ANKRD13D: variants seen among roughly 807,000 people sequenced by gnomAD.
The protein encoded by ANKRD13D is ankyrin repeat domain-containing protein 13D.
ANKRD13D carries 24 observed loss-of-function variants against 68.8 expected under a neutral mutation model. The ratio of observed to expected loss-of-function variants is 0.35; its 90% CI spans 0.25 to 0.49. ANKRD13D has a LOEUF of 0.49. ANKRD13D is among the 20% of genes least tolerant of loss of function. The pLI is 0.99. For missense variants in ANKRD13D, 735 were observed against 832.1 expected (o/e 0.88, Z 1.44); for synonymous variants, 331 against 336.1 (o/e 0.98, Z 0.16).
In ANKRD13D at chr11:67,302,386, ATT is replaced by A; in HGVS notation, c.*56_*57del. 6.9e-7 allele frequency: 1 copy of A among 1,444,884 alleles called. No individual in the cohort carries two copies. The highest frequency in any genetic ancestry group is 9.1e-7 in the Non-Finnish European group (1 of 1,093,802). 89.5% of individuals were successfully genotyped at this position (1,444,884 alleles called of 1,614,324 possible). A position where few individuals can be genotyped will look rare whatever the true frequency, so the allele number is the denominator to read the frequency against. ...CACTCCCTGCCCGCTTTTGTAATTT[ATT>A]TATTTATAAACTCTCTGCTGCTGAG... On this transcript the variant is annotated 3_prime_UTR_variant, in exon 15 of 15. Transcript: ENST00000511455.
At position 67,292,184 on chromosome 11, in the gene ANKRD13D, G is replaced by A. The variant is rs1481908465; in HGVS notation, c.731+4G>A. On this transcript the variant is annotated splice_donor_region_variant and intron_variant, in intron 6 of 14. Coordinates refer to ENST00000511455, the MANE Select transcript of ANKRD13D (RefSeq NM_207354.3). ...CTCGTAATGTGGCCTTTGAGAGGTCGGTCGGGTCCTGGCACACCGTGGGTG... is the reference window on the plus strand; with the variant it reads ...CTCGTAATGTGGCCTTTGAGAGGTCAGTCGGGTCCTGGCACACCGTGGGTG... 7 of 1,580,532 alleles carry A rather than the reference G, an allele frequency of 4.4e-6. No homozygotes were observed. Among genetic ancestry groups the A allele is most frequent in the African/African-American group, 1.3e-5 (1 of 74,248 alleles).
In ANKRD13D at chr11:67,302,186, C is replaced by T. The variant is rs776760173; in HGVS notation, c.1672C>T (p.Pro558Ser). ...RGPGSPPRTP[P>S]APGPPSFEEQ... ...CCCAGGATCCCCTCCCAGGACACCC[C>T]CAGCCCCCGGTCCACCCAGCTTTGA... The change falls in exon 15 of 15, where the codon CCA becomes TCA. Residue 558 changes from proline (P) to serine (S), a missense_variant. By Grantham distance (74) the Pro-to-Ser change is moderately conservative. Transcript: ENST00000511455. The T allele has an allele frequency of 6.3e-7, 1 of 1,594,468 alleles. No homozygotes were observed.
At chr11:67,294,275 A>C (rs1268930639) in intron 6 of ANKRD13D, among the ~76,000 whole-genome samples, 2 of 152,214 alleles carry the variant, frequency 1.3e-5, no homozygotes, top group African/African-American at 2.4e-5. Flanking sequence ...TGTAGGCAGA[A>C]TATATGAATT....
chr11:67,300,026 C>G lies in ANKRD13D; in HGVS notation c.976C>G (p.Pro326Ala). 1 of 1,613,798 alleles carries G rather than the reference C, an allele frequency of 6.2e-7. No homozygotes were observed. Among genetic ancestry groups the G allele is most frequent in the Non-Finnish European group, 8.5e-7 (1 of 1,179,828 alleles). Residue 326 changes from proline (P) to alanine (A), a missense_variant, in exon 10 of 15, where the codon CCC becomes GCC. Physicochemically the swap from Pro to Ala is conservative, Grantham distance 27. Coordinates refer to ENST00000511455, the MANE Select transcript of ANKRD13D (RefSeq NM_207354.3). The surrounding 1 kb of genome is among the most constrained non-coding windows in gnomAD (Gnocchi z 4.3). ...GCAGCAGGCAGCCAGCCCCACCAAC[C>G]CCACAGCCATCTCCCCTGAGGAGTA... ...PVQQAASPTN[P>A]TAISPEEYFD...
chr11:67,292,965 A>G (rs1380630143), intron 6 of ANKRD13D, among the ~76,000 whole-genome samples: 2 of 152,232 alleles, frequency 1.3e-5, no homozygotes, highest in Non-Finnish European at 2.9e-5. Context: ...TTCAAGGTTC[A>G]TCCAAGTTGT....
rs1198518692 is a variant in ANKRD13D at position 67,300,740 on chromosome 11, C to T, written c.1074-250C>T. On this transcript the variant is annotated intron_variant, in intron 10 of 14. Transcript: ENST00000511455. This position sits in a 1 kb window ranked among gnomAD's most constrained non-coding sequence, Gnocchi z 4.3. ...AGCCCACAGCCTGGCACCTGGCCTC[C>T]TTGTCCAGACCAGATGAGCTGGTAC... The T allele has an allele frequency of 1.8e-5, 10 of 570,706 alleles. No homozygotes were observed. Among genetic ancestry groups the T allele is most frequent in the Non-Finnish European group, 9.2e-6 (3 of 324,374 alleles). The allele number at this position is 570,706 out of a possible 1,614,324, so 35.4% of individuals were successfully genotyped here. A position where few individuals can be genotyped will look rare whatever the true frequency, so the allele number is the denominator to read the frequency against.
At chr11:67,290,488 G>A (rs1448478937) in intron 3 of ANKRD13D, 42 bp downstream of exon 3, 2 of 1,529,490 alleles carry the variant, frequency 1.3e-6, no homozygotes, top group African/African-American at 2.7e-5. Context: ...ACCATGGCAG[G>A]GCACCACCCT....
intron 6 of ANKRD13D, among the ~76,000 whole-genome samples, chr11:67,296,123 G>A (rs979831923): frequency 3.3e-5 from 5 of 152,120 alleles, no homozygotes; most frequent in East Asian, 1.9e-4. Flanking sequence ...TGGTTGGTTC[G>A]TATTTTGTTG....
chr11:67,289,493 C>T lies in ANKRD13D; in HGVS notation c.33C>T (p.His11=). The change falls in exon 1 of 15, where the codon CAC becomes CAT. Residue 11 remains histidine (H), a synonymous_variant. Transcript: ENST00000511455. Reference sequence around the variant, plus strand: ...GCCCGGGCCCCACCTTCCCGCTGCACCGGCTCGTCTGGGCGAACCGGCATC... The same window carrying T: ...GCCCGGGCCCCACCTTCCCGCTGCATCGGCTCGTCTGGGCGAACCGGCATC... The part of the protein sequence containing the change: MAGPGPTFPL[H]RLVWANRHRE... The T allele has an allele frequency of 2.0e-6, 3 of 1,515,304 alleles. No homozygotes were observed. The highest frequency in any genetic ancestry group is 2.4e-5 in the South Asian group (2 of 82,182). 93.9% of individuals were successfully genotyped at this position (1,515,304 alleles called of 1,614,324 possible). A position where few individuals can be genotyped will look rare whatever the true frequency, so the allele number is the denominator to read the frequency against.
chr11:67,293,273 T>A (rs978433333), intron 6 of ANKRD13D, among the ~76,000 whole-genome samples: 7 of 152,192 alleles, frequency 4.6e-5, no homozygotes, highest in African/African-American at 1.7e-4. Flanking sequence ...ACCAGCAGCA[T>A]GTGAGGGTTC....
rs1180572613 is a variant in ANKRD13D at position 67,294,453 on chromosome 11, C to T, written c.731+2273C>T. ...TTGGATCTTCTTTAATTTATTTCAA[C>T]ATTATTTTATAGTTTTCAGAGTGTA... On this transcript the variant is annotated intron_variant, in intron 6 of 14. Transcript: ENST00000511455. 3.9e-5 allele frequency among the ~76,000 whole-genome samples: 6 copies of T among 152,146 alleles called. No individual in the cohort carries two copies. The South Asian group carries it at 1.2e-3, about 32-fold the overall frequency.
At position 67,302,177 on chromosome 11, in the gene ANKRD13D, A is replaced by G; in HGVS notation, c.1663A>G (p.Arg555Gly). 1.3e-6 allele frequency: 2 copies of G among 1,597,070 alleles called. No individual in the cohort carries two copies. Among genetic ancestry groups the G allele is most frequent in the Non-Finnish European group, 8.5e-7 (1 of 1,172,792 alleles). The change falls in exon 15 of 15, where the codon AGG becomes GGG. Residue 555 changes from arginine to glycine, a missense_variant. Coordinates refer to ENST00000511455, the MANE Select transcript of ANKRD13D (RefSeq NM_207354.3). Reference sequence around the variant, plus strand: ...GCCCAGGGGCCCAGGATCCCCTCCCAGGACACCCCCAGCCCCCGGTCCACC... The same window carrying G: ...GCCCAGGGGCCCAGGATCCCCTCCCGGGACACCCCCAGCCCCCGGTCCACC... Reference protein sequence around the residue: ...TEPRGPGSPPRTPPAPGPPSF... With the variant: ...TEPRGPGSPPGTPPAPGPPSF...
At position 67,300,819 on chromosome 11, in the gene ANKRD13D, G is replaced by A. The variant is rs1046476964; in HGVS notation, c.1074-171G>A. 6 of 789,538 alleles carry A rather than the reference G, an allele frequency of 7.6e-6. No homozygotes were observed. The highest frequency in any genetic ancestry group is 1.2e-5 in the Non-Finnish European group (6 of 512,264). The allele number at this position is 789,538 out of a possible 1,614,324, so 48.9% of individuals were successfully genotyped here. A position where few individuals can be genotyped will look rare whatever the true frequency, so the allele number is the denominator to read the frequency against. ...CAGGGAGGAGGGCAGCTTGGGCCAC[G>A]TGGCCAGGACACCAGCTCCCGGGGG... is the stretch of plus-strand genomic sequence containing the variant. On this transcript the variant is annotated intron_variant, in intron 10 of 14. Transcript: ENST00000511455. This position sits in a 1 kb window ranked among gnomAD's most constrained non-coding sequence, Gnocchi z 4.3.
rs996522873 is a variant in ANKRD13D, at chr11:67,302,390, A to G, written c.*58A>G. 1.4e-6 allele frequency: 2 copies of G among 1,444,238 alleles called. No homozygotes were observed. Among genetic ancestry groups the G allele is most frequent in the African/African-American group, 1.4e-5 (1 of 69,622 alleles). 89.5% of individuals were successfully genotyped at this position (1,444,238 alleles called of 1,614,324 possible). On this transcript the variant is annotated 3_prime_UTR_variant, in exon 15 of 15. Transcript: ENST00000511455. ...CCCTGCCCGCTTTTGTAATTTATTT[A>G]TTTATAAACTCTCTGCTGCTGAGCT...
intron 6 of ANKRD13D, 170 bp from the exon 7 acceptor site, chr11:67,298,888 T>G: frequency 1.5e-6 from 1 of 663,426 alleles, no homozygotes; most frequent in South Asian, 1.7e-5. Context: ...TGCTCAAGTG[T>G]CCCCCCCTGT....
chr11:67,301,865 C>T lies in ANKRD13D; in HGVS notation c.1604+42C>T, dbSNP rs1156833540. ...GCTGGCTGGGTCCCTGTCCCCCCAG[C>T]CCTGGCTTGGCGGGGAGGGGGATAG... On this transcript the variant is annotated intron_variant, in intron 14 of 14. Transcript: ENST00000511455. This position sits in a 1 kb window ranked among gnomAD's most constrained non-coding sequence, Gnocchi z 4.5. 6.5e-7 allele frequency: 1 copy of T among 1,540,620 alleles called. No homozygotes were observed. Among genetic ancestry groups the T allele is most frequent in the Non-Finnish European group, 8.8e-7 (1 of 1,141,190 alleles).
rs760654629 is a variant in ANKRD13D, at chr11:67,301,344, G to A, written c.1294G>A (p.Glu432Lys). 10 of 1,613,736 alleles carry A rather than the reference G, an allele frequency of 6.2e-6. No individual in the cohort carries two copies. The East Asian group carries it at 1.1e-4, about 18-fold the overall frequency. ...ITFSNLCGCD[E>K]PLSSVWVPAP... ...CTTCAGCAACCTGTGTGGCTGTGAT[G>A]AGCCCCTGAGCTCCGTGTGGGTGCC... Residue 432 changes from glutamate (E) to lysine (K), a missense_variant, in exon 12 of 15, where the codon GAG (glutamate) becomes AAG (lysine). Glu to Lys is a moderately conservative substitution (Grantham distance 56). Transcript: ENST00000511455. This position sits in a 1 kb window ranked among gnomAD's most constrained non-coding sequence, Gnocchi z 4.5.
At chr11:67,293,461 G>A (rs377173016) in intron 6 of ANKRD13D, among the ~76,000 whole-genome samples, 1 of 152,162 alleles carries the variant, frequency 6.6e-6, no homozygotes, top group Non-Finnish European at 1.5e-5. Context: ...CTTCTTTGCA[G>A]AAATGTCTAT....
At position 67,301,558 on chromosome 11, in the gene ANKRD13D, G is replaced by A; in HGVS notation, c.1419G>A (p.Met473Ile). 1 of 1,613,000 alleles carries A rather than the reference G, an allele frequency of 6.2e-7. No individual in the cohort carries two copies. Among genetic ancestry groups the A allele is most frequent in the Non-Finnish European group, 8.5e-7 (1 of 1,180,010 alleles). The change falls in exon 13 of 15, where the codon ATG (methionine) becomes ATA (isoleucine). Residue 473 changes from methionine to isoleucine, a missense_variant. By Grantham distance (10) the Met-to-Ile change is conservative. Coordinates refer to ENST00000511455, the MANE Select transcript of ANKRD13D (RefSeq NM_207354.3). The surrounding 1 kb of genome is among the most constrained non-coding windows in gnomAD (Gnocchi z 4.5). ...EVPNGYSVLG[M>I]ERNEPLRDED... ...CCAACGGGTACAGCGTGCTGGGCAT[G>A]GAGCGCAACGAGCCCCTCCGGGACG...
Sources: gnomAD v4.1 joint callset for allele counts (sites outside exome capture counted in the v4.1 genomes callset) on GRCh38, gnomAD v4.1.1 for gene constraint, Gnocchi (gnomAD v3.1) non-coding constraint, MANE v1.5 for transcripts, NCBI Gene and HGNC (gene_info 2026-07-23, HGNC 2026-07-21) for gene names.